Variants in LGALS3BP observed in about 807,000 individuals in gnomAD.
LGALS3BP encodes the protein galectin-3-binding protein.
A neutral mutation model predicts 22.9 loss-of-function variants in LGALS3BP; 25 were observed. The observed-to-expected ratio is 1.09, with a 90% confidence interval of 0.80 to 1.53. LGALS3BP has a LOEUF of 1.53. Among genes scored for constraint, LGALS3BP ranks in the 40% most tolerant of loss-of-function variants. LGALS3BP has a pLI of 0.00. For missense variants in LGALS3BP, 718 were observed against 752.0 expected, an observed-to-expected ratio of 0.95 and a Z score of 0.53; for synonymous variants, 335 against 331.1, an observed-to-expected ratio of 1.01 and a Z score of -0.13.
At chr17:78,974,364 C>G (rs146055141) in intron 4 of LGALS3BP, among the ~76,000 whole-genome samples, 1 of 152,296 alleles carries the variant, frequency 6.6e-6, no homozygotes, top group South Asian at 2.1e-4. Flanking sequence ...TATTTCTGAG[C>G]GGACGCTGGC....
rs1025203992 is a variant in LGALS3BP at position 78,976,347 on chromosome 17, G to T, written c.53-191C>A. Among the ~76,000 whole-genome samples, 1 of 152,208 alleles carries T rather than the reference G, an allele frequency of 6.6e-6. No individual in the cohort carries two copies. Among genetic ancestry groups the T allele is most frequent in the Non-Finnish European group, 1.5e-5 (1 of 68,026 alleles). On this transcript the variant is annotated intron_variant, in intron 2 of 5. Transcript: ENST00000262776. The surrounding 1 kb of genome is among the most constrained non-coding windows in gnomAD (Gnocchi z 4.6). ...AGATACATACAGCCCCCCCTACCCC[G>T]CAAGGAGGCCAAACTCGCCTTTCCT...
In LGALS3BP at chr17:78,972,554, G is replaced by A; in HGVS notation, c.780C>T (p.Pro260=). 4.4e-6 allele frequency: 7 copies of A among 1,605,666 alleles called. No individual in the cohort carries two copies. The highest frequency in any genetic ancestry group is 6.0e-6 in the Non-Finnish European group (7 of 1,174,038). Residue 260 remains proline (P), a synonymous_variant, in exon 6 of 6, where the codon CCC becomes CCT. Transcript: ENST00000262776. The surrounding 1 kb of genome is among the most constrained non-coding windows in gnomAD (Gnocchi z 5.1). ...LLPQDPSFQM[P]LDLYAYAVAT... ...CCACTGCATAGGCATACAGGTCCAG[G>A]GGCATCTGGAACGAGGGGTCCTGGG... is the stretch of plus-strand genomic sequence containing the variant.
chr17:78,972,851 C>A lies in LGALS3BP; in HGVS notation c.629+119G>T. On this transcript the variant is annotated intron_variant, in intron 5 of 5. Coordinates refer to ENST00000262776, the MANE Select transcript of LGALS3BP (RefSeq NM_005567.4). This position sits in a 1 kb window ranked among gnomAD's most constrained non-coding sequence, Gnocchi z 5.1. ...AACTGCGTGAGTGCATGTGTGACTGCGTGTGTACATGTGCATGCATGAGTA... is the reference window on the plus strand; with the variant it reads ...AACTGCGTGAGTGCATGTGTGACTGAGTGTGTACATGTGCATGCATGAGTA... The A allele has an allele frequency of 7.0e-7, 1 of 1,434,208 alleles. No homozygotes were observed. Among genetic ancestry groups the A allele is most frequent in the Non-Finnish European group, 9.4e-7 (1 of 1,063,462 alleles). The allele number at this position is 1,434,208 out of a possible 1,614,324, so 88.8% of individuals were successfully genotyped here. A position where few individuals can be genotyped will look rare whatever the true frequency, so the allele number is the denominator to read the frequency against.
In LGALS3BP at chr17:78,974,709, C is replaced by A. The variant is rs757275843; in HGVS notation, c.355G>T (p.Ala119Ser). Residue 119 changes from alanine to serine, a missense_variant, in exon 4 of 6, where the codon GCT (alanine) becomes TCT (serine). Transcript: ENST00000262776. ...LKSNCRHERD[A>S]GVVCTNETRS... ...TCACCATTGGTGCAGACCACACCAG[C>A]GTCTCTCTCGTGCCTGCAGTTGCTC... 4.2e-5 allele frequency: 68 copies of A among 1,613,548 alleles called. No homozygotes were observed. The highest frequency in any genetic ancestry group is 4.9e-5 in the Non-Finnish European group (58 of 1,179,994).
In LGALS3BP at chr17:78,971,433, A is replaced by T; in HGVS notation, c.*143T>A. 1 of 723,550 alleles carries T rather than the reference A, an allele frequency of 1.4e-6. No individual in the cohort carries two copies. Among genetic ancestry groups the T allele is most frequent in the Non-Finnish European group, 2.2e-6 (1 of 450,724 alleles). The allele number at this position is 723,550 out of a possible 1,614,324, so 44.8% of individuals were successfully genotyped here. ...GTGGAAGCCTTCCAGTAATTTCTTGAAGCTGAGCGCTCAGGTGAGTAGGGC... is the reference window on the plus strand; with the variant it reads ...GTGGAAGCCTTCCAGTAATTTCTTGTAGCTGAGCGCTCAGGTGAGTAGGGC... On this transcript the variant is annotated 3_prime_UTR_variant, in exon 6 of 6. Coordinates refer to ENST00000262776, the MANE Select transcript of LGALS3BP (RefSeq NM_005567.4). This position sits in a 1 kb window ranked among gnomAD's most constrained non-coding sequence, Gnocchi z 5.6.
At position 78,972,361 on chromosome 17, in the gene LGALS3BP, C is replaced by A; in HGVS notation, c.973G>T (p.Val325Leu). The change falls in exon 6 of 6, where the codon GTG (valine) becomes TTG (leucine). Residue 325 changes from valine (V) to leucine (L), a missense_variant. Transcript: ENST00000262776. This position sits in a 1 kb window ranked among gnomAD's most constrained non-coding sequence, Gnocchi z 5.1. ...VPSELALLKAVDTWSWGERAS... is the reference protein window; with the variant it reads ...VPSELALLKALDTWSWGERAS... ...CGCTCCCCCCAGCTCCAGGTGTCCA[C>A]GGCCTTCAGTAGGGCCAGCTCGCTG... The A allele has an allele frequency of 6.2e-7, 1 of 1,613,526 alleles. No homozygotes were observed. Among genetic ancestry groups the A allele is most frequent in the Non-Finnish European group, 8.5e-7 (1 of 1,180,032 alleles).
rs1403716363 is a variant in LGALS3BP at position 78,972,098 on chromosome 17, G to A, written c.1236C>T (p.Pro412=). The A allele has an allele frequency of 1.2e-6, 2 of 1,613,358 alleles. No homozygotes were observed. Among genetic ancestry groups the A allele is most frequent in the South Asian group, 1.1e-5 (1 of 91,074 alleles). ...DTYKPRIYTS[P]TWSAFVTDSS... ...TGTCTGTCACAAAGGCACTCCAGGT[G>A]GGCGAGGTGTAAATCCGGGGCTTGT... Residue 412 remains proline, a synonymous_variant, in exon 6 of 6, where the codon CCC becomes CCT. Coordinates refer to ENST00000262776, the MANE Select transcript of LGALS3BP (RefSeq NM_005567.4). This position sits in a 1 kb window ranked among gnomAD's most constrained non-coding sequence, Gnocchi z 5.1.
chr17:78,971,507 CGAG>C lies in LGALS3BP; in HGVS notation c.*66_*68del, dbSNP rs1393875423. 5 of 1,443,006 alleles carry C rather than the reference CGAG, an allele frequency of 3.5e-6. No homozygotes were observed. Among genetic ancestry groups the C allele is most frequent in the Non-Finnish European group, 4.7e-6 (5 of 1,060,014 alleles). 89.4% of individuals were successfully genotyped at this position (1,443,006 alleles called of 1,614,324 possible). Reference sequence around the variant, plus strand: ...AGGTCATTGCAGAGAGGAAGGAAGCCGAGGAGGGGAGCCTGCAGTGAGGGCGTC... The same window carrying C: ...AGGTCATTGCAGAGAGGAAGGAAGCCGAGGGGAGCCTGCAGTGAGGGCGTC... On this transcript the variant is annotated 3_prime_UTR_variant, in exon 6 of 6. Transcript: ENST00000262776. The surrounding 1 kb of genome is among the most constrained non-coding windows in gnomAD (Gnocchi z 5.6).
Position 78,977,182 on chromosome 17 carries a change from G to A in LGALS3BP, c.10C>T (p.Pro4Ser), listed in dbSNP as rs761278800. 1 of 1,613,218 alleles carries A rather than the reference G, an allele frequency of 6.2e-7. No individual in the cohort carries two copies. The highest frequency in any genetic ancestry group is 8.5e-7 in the Non-Finnish European group (1 of 1,179,996). Residue 4 changes from proline (P) to serine (S), a missense_variant, in exon 2 of 6, where the codon CCG becomes TCG. Coordinates refer to ENST00000262776, the MANE Select transcript of LGALS3BP (RefSeq NM_005567.4). ...AGCAGCCACACCCAGAAGAGCCTCGGAGGGGTCATGGCCGTGCCTGGATGC... is the reference window on the plus strand; with the variant it reads ...AGCAGCCACACCCAGAAGAGCCTCGAAGGGGTCATGGCCGTGCCTGGATGC... MTP[P>S]RLFWVWLLVA...
rs147553187 is a variant in LGALS3BP at position 78,973,080 on chromosome 17, C to T, written c.519G>A (p.Thr173=). 177 of 1,613,644 alleles carry T rather than the reference C, an allele frequency of 1.1e-4. 1 individual carries two copies. In the Middle Eastern group the frequency reaches 1.3e-3, roughly 12 times the overall value. The part of the protein sequence containing the change: ...GEDALGFCGH[T]VILTANLEAQ... ...CCTCCAGGTTGGCAGTCAGGATGACCGTGTGGCCACAGAAGCCCAGGGCGT... is the reference window on the plus strand; with the variant it reads ...CCTCCAGGTTGGCAGTCAGGATGACTGTGTGGCCACAGAAGCCCAGGGCGT... Residue 173 remains threonine (T), a synonymous_variant, in exon 5 of 6, where the codon ACG becomes ACA. Coordinates refer to ENST00000262776, the MANE Select transcript of LGALS3BP (RefSeq NM_005567.4). The surrounding 1 kb of genome is among the most constrained non-coding windows in gnomAD (Gnocchi z 5.8).
chr17:78,972,956 A>G lies in LGALS3BP; in HGVS notation c.629+14T>C. 6.3e-7 allele frequency: 1 copy of G among 1,593,318 alleles called. No homozygotes were observed. Among genetic ancestry groups the G allele is most frequent in the Non-Finnish European group, 8.6e-7 (1 of 1,165,844 alleles). On this transcript the variant is annotated intron_variant, in intron 5 of 5. Transcript: ENST00000262776. The surrounding 1 kb of genome is among the most constrained non-coding windows in gnomAD (Gnocchi z 5.1). Reference sequence around the variant, plus strand: ...CCCCTGGCGGCCCCAGAGCCTGAGGACGAGACGGCTCACCTGAGAAGGTCC... The same window carrying G: ...CCCCTGGCGGCCCCAGAGCCTGAGGGCGAGACGGCTCACCTGAGAAGGTCC...
rs370492669 is a variant in LGALS3BP, at chr17:78,973,069, G to T, written c.530C>A (p.Thr177Asn). Residue 177 changes from threonine to asparagine, a missense_variant, in exon 5 of 6, where the codon ACT becomes AAT. Coordinates refer to ENST00000262776, the MANE Select transcript of LGALS3BP (RefSeq NM_005567.4). This position sits in a 1 kb window ranked among gnomAD's most constrained non-coding sequence, Gnocchi z 5.8. ...LGFCGHTVIL[T>N]ANLEAQALWK... ...CAGGGCCTGGGCCTCCAGGTTGGCAGTCAGGATGACCGTGTGGCCACAGAA... is the reference window on the plus strand; with the variant it reads ...CAGGGCCTGGGCCTCCAGGTTGGCATTCAGGATGACCGTGTGGCCACAGAA... 8.7e-6 allele frequency: 14 copies of T among 1,613,760 alleles called. No individual in the cohort carries two copies. The highest frequency in any genetic ancestry group is 6.7e-5 in the East Asian group (3 of 44,872).
In LGALS3BP at chr17:78,972,861, T is replaced by C; in HGVS notation, c.629+109A>G. The stretch of plus-strand genomic sequence containing the variant: ...GTGCATGTGTGACTGCGTGTGTACA[T>C]GTGCATGCATGAGTATGTGCAGGTG... On this transcript the variant is annotated intron_variant, in intron 5 of 5. Transcript: ENST00000262776. This position sits in a 1 kb window ranked among gnomAD's most constrained non-coding sequence, Gnocchi z 5.1. The C allele has an allele frequency of 6.9e-7, 1 of 1,454,544 alleles. No homozygotes were observed. Among genetic ancestry groups the C allele is most frequent in the Non-Finnish European group, 9.3e-7 (1 of 1,077,550 alleles). The allele number at this position is 1,454,544 out of a possible 1,614,324, so 90.1% of individuals were successfully genotyped here. A position where few individuals can be genotyped will look rare whatever the true frequency, so the allele number is the denominator to read the frequency against.
intron 1 of LGALS3BP, among the ~76,000 whole-genome samples, chr17:78,977,942 G>A (rs770693731): frequency 4.6e-5 from 7 of 152,134 alleles, no homozygotes; most frequent in Non-Finnish European, 7.4e-5. Flanking sequence ...GGGGAGGTCC[G>A]GGTCTCCACC....
At position 78,972,432 on chromosome 17, in the gene LGALS3BP, G is replaced by T; in HGVS notation, c.902C>A (p.Thr301Lys). The change falls in exon 6 of 6, where the codon ACA becomes AAA. Residue 301 changes from threonine to lysine, a missense_variant. Physicochemically the swap from Thr to Lys is moderately conservative, Grantham distance 78. Transcript: ENST00000262776. This position sits in a 1 kb window ranked among gnomAD's most constrained non-coding sequence, Gnocchi z 5.1. Reference sequence around the variant, plus strand: ...GGGCAGCAGCAGTTGGAGCAGGTCTGTGGGGACACTGGGCCAGGCCTCGGC... The same window carrying T: ...GGGCAGCAGCAGTTGGAGCAGGTCTTTGGGGACACTGGGCCAGGCCTCGGC... ...TQAEAWPSVP[T>K]DLLQLLLPRS... 1 of 1,613,484 alleles carries T rather than the reference G, an allele frequency of 6.2e-7. No individual in the cohort carries two copies. The highest frequency in any genetic ancestry group is 8.5e-7 in the Non-Finnish European group (1 of 1,179,994).
chr17:78,975,013 T>A, intron 3 of LGALS3BP, 194 bp from the exon 4 acceptor site: 3 of 675,712 alleles, frequency 4.4e-6, no homozygotes, highest in Non-Finnish European at 7.3e-6. Flanking sequence ...AAACTTAGCC[T>A]TCATGCTTAT....
chr17:78,976,200 C>A lies in LGALS3BP; in HGVS notation c.53-44G>T. 6.7e-7 allele frequency: 1 copy of A among 1,482,456 alleles called. No homozygotes were observed. Among genetic ancestry groups the A allele is most frequent in the Non-Finnish European group, 9.0e-7 (1 of 1,105,488 alleles). The allele number at this position is 1,482,456 out of a possible 1,614,324, so 91.8% of individuals were successfully genotyped here. On this transcript the variant is annotated intron_variant, in intron 2 of 5. Coordinates refer to ENST00000262776, the MANE Select transcript of LGALS3BP (RefSeq NM_005567.4). The surrounding 1 kb of genome is among the most constrained non-coding windows in gnomAD (Gnocchi z 4.6). ...GAGGGCGAGGCTGGGGCCTGCAGCA[C>A]CCACCGCCCACACCTCCAGGCCCCA... is the stretch of plus-strand genomic sequence containing the variant.
rs1302742921 is a variant in LGALS3BP, at chr17:78,974,750, G to T, written c.314C>A (p.Ser105Tyr). 3 of 1,613,754 alleles carry T rather than the reference G, an allele frequency of 1.9e-6. No individual in the cohort carries two copies. Among genetic ancestry groups the T allele is most frequent in the Non-Finnish European group, 2.5e-6 (3 of 1,180,010 alleles). The change falls in exon 4 of 6, where the codon TCC becomes TAC. Residue 105 changes from serine (S) to tyrosine (Y), a missense_variant. Coordinates refer to ENST00000262776, the MANE Select transcript of LGALS3BP (RefSeq NM_005567.4). ...GCAGTTGCTCTTCAGCCAGCCCAGG[G>T]ACTTGCAGTCGGCCAGTGAGGCCTC... ...GTEASLADCKSLGWLKSNCRH... is the reference protein window; with the variant it reads ...GTEASLADCKYLGWLKSNCRH...
chr17:78,974,993 G>A (rs1178882916), intron 3 of LGALS3BP, 174 bp from the exon 4 acceptor site: 2 of 794,466 alleles, frequency 2.5e-6, no homozygotes, highest in African/African-American at 3.5e-5. Flanking sequence ...TGATTGCAAT[G>A]TCAGGCCATA....
Sources: allele counts gnomAD v4.1 joint callset (sites outside exome capture counted in the v4.1 genomes callset), GRCh38; gene constraint gnomAD v4.1.1; non-coding constraint Gnocchi (gnomAD v3.1); transcripts MANE v1.5; gene names NCBI Gene and HGNC (gene_info 2026-07-23, HGNC 2026-07-21).